CNTNAP1: variants seen among roughly 807,000 people sequenced by gnomAD.
CNTNAP1 encodes the protein contactin associated protein 1, also known as contactin-associated protein 1.
CNTNAP1 carries 80 observed loss-of-function variants against 161.5 expected under a neutral mutation model. That is an observed-to-expected ratio of 0.50 (90% CI 0.41 to 0.60). The LOEUF is 0.60. Ranked by LOEUF, CNTNAP1 falls within the 20% of genes least tolerant of loss-of-function variation. The pLI is 0.00. For missense variants in CNTNAP1, 1,464 were observed against 1,854.8 expected (o/e 0.79, Z 3.87); for synonymous variants, 695 against 733.1 (o/e 0.95, Z 0.84).
rs928869872 is a variant in CNTNAP1, at chr17:42,690,621, T to A, written c.1856-118T>A. ...CAGAGTGCCCAGGGCAGAGGTGGAA[T>A]GGAGCTGCTGGCCACGTTCAGTGGC... is the stretch of plus-strand genomic sequence containing the variant. On this transcript the variant is annotated intron_variant, in intron 12 of 23. Transcript: ENST00000264638. The A allele has an allele frequency of 1.2e-4, 118 of 954,820 alleles. No homozygotes were observed. In the Admixed American group the frequency reaches 2.2e-3, roughly 18 times the overall value. The allele number at this position is 954,820 out of a possible 1,614,324, so 59.1% of individuals were successfully genotyped here. A position where few individuals can be genotyped will look rare whatever the true frequency, so the allele number is the denominator to read the frequency against.
chr17:42,683,627 AAGGTAGCC>A, intron 1 of CNTNAP1, 186 bp from the exon 2 acceptor site: 1 of 1,426,510 alleles, frequency 7.0e-7, no homozygotes, highest in Non-Finnish European at 9.1e-7. Flanking sequence ...CTAGAAGGAG[AAGGTAGCC>A]TCCTCTGAGC....
rs200460212 is a variant in CNTNAP1, at chr17:42,690,807, G to C, written c.1924G>C (p.Glu642Gln). Reference sequence around the variant, plus strand: ...AACTCGAGTGACAGGTTCCAGCATGGAGCGGCCATTCCTGGGGGCTATCCA... The same window carrying C: ...AACTCGAGTGACAGGTTCCAGCATGCAGCGGCCATTCCTGGGGGCTATCCA... ...WTTRVTGSSMERPFLGAIQYW... is the reference protein window; with the variant it reads ...WTTRVTGSSMQRPFLGAIQYW... Residue 642 changes from glutamate to glutamine, a missense_variant, in exon 13 of 24, where the codon GAG (glutamate) becomes CAG (glutamine). Glu to Gln is a conservative substitution (Grantham distance 29). Transcript: ENST00000264638. The C allele has an allele frequency of 6.2e-7, 1 of 1,614,226 alleles. No homozygotes were observed. The highest frequency in any genetic ancestry group is 2.2e-5 in the East Asian group (1 of 44,888).
rs2053047185 is a variant in CNTNAP1, at chr17:42,688,558, T to C, written c.1403T>C (p.Val468Ala). ...ISIDDVEGAE[V>A]RVSYPLLIRT... is the part of the protein sequence containing the mutation. The stretch of plus-strand genomic sequence containing the variant: ...ATTGATGATGTGGAAGGGGCAGAGG[T>C]CAGGGTCTCATACCCGTTGCTGATC... The change falls in exon 9 of 24, where the codon GTC becomes GCC. Residue 468 changes from valine (V) to alanine (A), a missense_variant. Coordinates refer to ENST00000264638, the MANE Select transcript of CNTNAP1 (RefSeq NM_003632.3). The C allele has an allele frequency of 3.1e-6, 5 of 1,614,062 alleles. No homozygotes were observed. In the East Asian group the frequency reaches 8.9e-5, roughly 29 times the overall value.
rs748366958 is a variant in CNTNAP1, at chr17:42,686,469, G to GTTTTTTTTTTTTTTTTTT, written c.900+335_900+352dup. ...CTTGCCACTCACCAGAAAAAGGCCT[G>GTTTTTTTTTTTTTTTTTT]TTTTTTTTTTTTTTTTTTTTTTTTG... On this transcript the variant is annotated intron_variant, in intron 6 of 23. Coordinates refer to ENST00000264638, the MANE Select transcript of CNTNAP1 (RefSeq NM_003632.3). 3.2e-4 allele frequency among the ~76,000 whole-genome samples: 23 copies of GTTTTTTTTTTTTTTTTTT among 71,354 alleles called. 4 individuals carry two copies. Among genetic ancestry groups the GTTTTTTTTTTTTTTTTTT allele is most frequent in the African/African-American group, 9.8e-4 (17 of 17,396 alleles). The allele number at this position is 71,354 out of a possible 152,430, so 46.8% of individuals were successfully genotyped here.
rs2053104469 is a variant in CNTNAP1, at chr17:42,692,682, C to G, written c.2714C>G (p.Thr905Ser). The change falls in exon 17 of 24, where the codon ACC becomes AGC. Residue 905 changes from threonine to serine, a missense_variant. Physicochemically the swap from Thr to Ser is moderately conservative, Grantham distance 58 (BLOSUM62 1). Coordinates refer to ENST00000264638, the MANE Select transcript of CNTNAP1 (RefSeq NM_003632.3). Reference sequence around the variant, plus strand: ...GTTCTGCGGCCTATGCCACTGCAGACCTACATCTGGATGGAGTATGACCAG... The same window carrying G: ...GTTCTGCGGCCTATGCCACTGCAGAGCTACATCTGGATGGAGTATGACCAG... ...PWVLRPMPLQTYIWMEYDQPL... is the reference protein window; with the variant it reads ...PWVLRPMPLQSYIWMEYDQPL... 1.2e-6 allele frequency: 2 copies of G among 1,614,002 alleles called. No homozygotes were observed. The highest frequency in any genetic ancestry group is 1.7e-6 in the Non-Finnish European group (2 of 1,179,948).
chr17:42,693,930 T>C (rs573428434), intron 18 of CNTNAP1, among the ~76,000 whole-genome samples: 3 of 152,112 alleles, frequency 2.0e-5, no homozygotes, highest in Non-Finnish European at 2.9e-5. Flanking sequence ...AGTGGCACGA[T>C]CTCGGCTCAC....
chr17:42,683,923 G>A lies in CNTNAP1; in HGVS notation c.169+1G>A, dbSNP rs1469099243. 1 of 1,613,924 alleles carries A rather than the reference G, an allele frequency of 6.2e-7. No individual in the cohort carries two copies. Among genetic ancestry groups the A allele is most frequent in the Non-Finnish European group, 8.5e-7 (1 of 1,179,942 alleles). Reference sequence around the variant, plus strand: ...GCGCCGAGATTCGCCAGGCTGCACGGTGAGCTCCGCGGAACATCAGCTGCC... The same window carrying A: ...GCGCCGAGATTCGCCAGGCTGCACGATGAGCTCCGCGGAACATCAGCTGCC... On this transcript the variant is annotated splice_donor_variant, in intron 2 of 23. Coordinates refer to ENST00000264638, the MANE Select transcript of CNTNAP1 (RefSeq NM_003632.3). LOFTEE classifies it high-confidence loss of function.
In CNTNAP1 at chr17:42,685,433, A is replaced by T. The variant is rs1353785719; in HGVS notation, c.715+13A>T. ...CACATGAGCCTGGGTGAGCTCGGCG[A>T]CCATGTGCGATGCGGAGCCAACCCC... On this transcript the variant is annotated intron_variant, in intron 5 of 23. Transcript: ENST00000264638. This position sits in a 1 kb window ranked among gnomAD's most constrained non-coding sequence, Gnocchi z 5.0. 5.0e-6 allele frequency: 8 copies of T among 1,596,776 alleles called. No individual in the cohort carries two copies. Among genetic ancestry groups the T allele is most frequent in the Non-Finnish European group, 6.8e-6 (8 of 1,177,538 alleles).
chr17:42,695,981 G>A, intron 19 of CNTNAP1, 44 bp from the exon 20 acceptor site: 1 of 1,609,472 alleles, frequency 6.2e-7, no homozygotes, highest in South Asian at 1.1e-5. Context: ...GAAGATAGGA[G>A]TCATGGGGCC....
At chr17:42,692,022 G>A (rs771808207) in intron 16 of CNTNAP1, 31 bp downstream of exon 16, 2 of 1,604,690 alleles carry the variant, frequency 1.2e-6, no homozygotes, top group Admixed American at 3.4e-5. Flanking sequence ...AGGGCCTCGG[G>A]GTAGATGAAA....
At chr17:42,697,974 T>C (rs1215348955) in intron 23 of CNTNAP1, 24 bp downstream of exon 23, 1 of 1,613,866 alleles carries the variant, frequency 6.2e-7, no homozygotes, top group African/African-American at 1.3e-5. Flanking sequence ...ATCACTAAGC[T>C]GACCTCCCAA....
intron 1 of CNTNAP1, chr17:42,683,245 G>A (rs2052960586): frequency 1.6e-6 from 1 of 623,710 alleles, no homozygotes; most frequent in Non-Finnish European, 2.3e-6. Flanking sequence ...GCTTAAGGCT[G>A]GACTTTGGAG....
rs2053034221 is a variant in CNTNAP1, at chr17:42,687,656, CTG to C, written c.1045-63_1045-62del. On this transcript the variant is annotated intron_variant, in intron 7 of 23. Coordinates refer to ENST00000264638, the MANE Select transcript of CNTNAP1 (RefSeq NM_003632.3). This position sits in a 1 kb window ranked among gnomAD's most constrained non-coding sequence, Gnocchi z 4.7. ...CCAGGGTCTTAGACCGGTGTGAAAA[CTG>C]AATTCCCAGCTGAGGCAGAGGCGGC... The C allele has an allele frequency of 6.3e-7, 1 of 1,579,468 alleles. No individual in the cohort carries two copies. The highest frequency in any genetic ancestry group is 8.6e-7 in the Non-Finnish European group (1 of 1,161,206).
chr17:42,689,402 G>A lies in CNTNAP1; in HGVS notation c.1629-119G>A, dbSNP rs924578770. ...TGCGCTTATACCCGGCTGGCTAGGCGGGGTGTGTCTCACCGGGTTCTGGGG... is the reference window on the plus strand; with the variant it reads ...TGCGCTTATACCCGGCTGGCTAGGCAGGGTGTGTCTCACCGGGTTCTGGGG... On this transcript the variant is annotated intron_variant, in intron 10 of 23. Coordinates refer to ENST00000264638, the MANE Select transcript of CNTNAP1 (RefSeq NM_003632.3). 12 of 748,248 alleles carry A rather than the reference G, an allele frequency of 1.6e-5. No homozygotes were observed. In the African/African-American group the frequency reaches 1.7e-4, roughly 11 times the overall value. 46.4% of individuals were successfully genotyped at this position (748,248 alleles called of 1,614,324 possible).
intron 20 of CNTNAP1, 123 bp from the exon 21 acceptor site, chr17:42,697,151 G>A (rs2053161029): frequency 4.0e-6 from 3 of 744,770 alleles, no homozygotes; most frequent in Non-Finnish European, 6.9e-6. Context: ...GACAGAATGA[G>A]AGATCTCCAG....
At chr17:42,696,289 G>A in intron 20 of CNTNAP1, 137 bp downstream of exon 20, 2 of 1,090,636 alleles carry the variant, frequency 1.8e-6, no homozygotes, top group Non-Finnish European at 1.3e-6. Flanking sequence ...GTCACCTCAT[G>A]TAACCCTCAC....
At chr17:42,690,000 A>G in intron 11 of CNTNAP1, 88 bp from the exon 12 acceptor site, 1 of 1,482,914 alleles carries the variant, frequency 6.7e-7, no homozygotes, top group South Asian at 1.2e-5. Context: ...CCGGCCTCCC[A>G]AAGTGCTGGG....
At position 42,693,398 on chromosome 17, in the gene CNTNAP1, G is replaced by C. The variant is rs777741549; in HGVS notation, c.2854G>C (p.Gly952Arg). The C allele has an allele frequency of 6.2e-7, 1 of 1,614,218 alleles. No homozygotes were observed. The highest frequency in any genetic ancestry group is 1.7e-5 in the Admixed American group (1 of 60,032). The change falls in exon 18 of 24, where the codon GGT (glycine) becomes CGT (arginine). Residue 952 changes from glycine to arginine, a missense_variant. This residue lies in a region of CNTNAP1 where 1,383 missense variants were observed against 1,765.0 expected (regional missense o/e 0.78). Coordinates refer to ENST00000264638, the MANE Select transcript of CNTNAP1 (RefSeq NM_003632.3). The part of the protein sequence containing the change: ...NLEGRANASE[G>R]TSPNCTGHCA... ...GGAGGGCCGTGCCAATGCCTCTGAG[G>C]GTACCTCACCCAACTGCACAGGCCA...
intron 9 of CNTNAP1, 74 bp downstream of exon 9, chr17:42,688,685 C>A: frequency 6.3e-7 from 1 of 1,597,042 alleles, no homozygotes; most frequent in South Asian, 1.1e-5. Context: ...CCAGATGGGG[C>A]CACATGGAGA....
Sources: gnomAD v4.1 joint callset for allele counts (sites outside exome capture counted in the v4.1 genomes callset) on GRCh38, gnomAD v4.1.1 for gene constraint, gnomAD v4.1.1 regional missense constraint, Gnocchi (gnomAD v3.1) non-coding constraint, MANE v1.5 for transcripts, NCBI Gene and HGNC (gene_info 2026-07-23, HGNC 2026-07-21) for gene names.